SNX29: variants seen among roughly 807,000 people sequenced by gnomAD.
SNX29 encodes the protein sorting nexin 29, also known as sorting nexin-29.
A neutral mutation model predicts 102.1 loss-of-function variants in SNX29; 78 were observed. That is an observed-to-expected ratio of 0.76 (90% CI 0.64 to 0.92). The LOEUF (loss-of-function observed/expected upper bound fraction) is 0.92, where lower values mean the gene tolerates loss of function less well. Among genes scored for constraint, SNX29 ranks in the 40% least tolerant of loss-of-function variants. The probability of loss-of-function intolerance (pLI) is 0.00; values close to 1 mark genes in which losing one functional copy is unlikely to be tolerated. For synonymous variants in SNX29, 580 were observed against 414.5 expected (o/e 1.40, Z -4.85); for missense variants, 1,280 against 1,061.7 (o/e 1.21, Z -2.86).
At chr16:12,555,928 C>T (rs1284886401) in intron 20 of SNX29, among the ~76,000 whole-genome samples, 1 of 152,148 alleles carries the variant, frequency 6.6e-6, no homozygotes, top group Non-Finnish European at 1.5e-5. Flanking sequence ...CGTATGGTGT[C>T]AGGTCTGTTT....
At chr16:12,502,312 C>G (rs1479577487) in intron 19 of SNX29, among the ~76,000 whole-genome samples, 1 of 152,078 alleles carries the variant, frequency 6.6e-6, no homozygotes, top group Non-Finnish European at 1.5e-5. Context: ...CTCGCTGTGC[C>G]TCAGTGTCTT....
At position 12,568,900 on chromosome 16, in the gene SNX29, G is replaced by C. The variant is rs765117258; in HGVS notation, c.*271G>C. 6.1e-6 allele frequency: 3 copies of C among 491,596 alleles called. No individual in the cohort carries two copies. The highest frequency in any genetic ancestry group is 2.0e-5 in the African/African-American group (1 of 51,146). The allele number at this position is 491,596 out of a possible 1,614,324, so 30.5% of individuals were successfully genotyped here. A position where few individuals can be genotyped will look rare whatever the true frequency, so the allele number is the denominator to read the frequency against. On this transcript the variant is annotated 3_prime_UTR_variant, in exon 21 of 21. Coordinates refer to ENST00000566228, the MANE Select transcript of SNX29 (RefSeq NM_032167.5). ...CTGGGGTCTACCCTGGGCTGCAAGGGCTGTTCCTCCACCTTTCTGTAGTTC... is the reference window on the plus strand; with the variant it reads ...CTGGGGTCTACCCTGGGCTGCAAGGCCTGTTCCTCCACCTTTCTGTAGTTC...
chr16:12,378,335 T>G (rs1464423573), intron 16 of SNX29, among the ~76,000 whole-genome samples: 1 of 152,062 alleles, frequency 6.6e-6, no homozygotes, highest in African/African-American at 2.4e-5. Context: ...GCCAGGTTCT[T>G]TAAAACAACC....
chr16:12,133,429 A>G (rs1018997700), intron 13 of SNX29, among the ~76,000 whole-genome samples: 3 of 151,452 alleles, frequency 2.0e-5, no homozygotes, highest in Admixed American at 2.0e-4. Flanking sequence ...AGCTGGGACT[A>G]CAGGCATGCA....
intron 19 of SNX29, among the ~76,000 whole-genome samples, chr16:12,486,216 G>A (rs533506602): frequency 2.0e-5 from 3 of 152,166 alleles, no homozygotes; most frequent in Admixed American, 6.5e-5. Context: ...ATCTTCCCCC[G>A]ATCACAGCAG....
chr16:12,356,043 G>C, intron 15 of SNX29, 120 bp from the exon 16 acceptor site: 1 of 833,510 alleles, frequency 1.2e-6, no homozygotes, highest in South Asian at 1.6e-5. Context: ...ATTGACTCCA[G>C]CCCCAACAGC....
At chr16:12,386,553 C>G (rs1469410835) in intron 16 of SNX29, among the ~76,000 whole-genome samples, 1 of 152,100 alleles carries the variant, frequency 6.6e-6, no homozygotes, top group Non-Finnish European at 1.5e-5. Context: ...GAATACTGTC[C>G]CAGATAGCAA....
At chr16:12,072,466 A>G (rs1428432873) in intron 10 of SNX29, among the ~76,000 whole-genome samples, 1 of 152,206 alleles carries the variant, frequency 6.6e-6, no homozygotes, top group Non-Finnish European at 1.5e-5. Context: ...ATGCTGGATT[A>G]CATTTATTGA....
At chr16:12,567,204 C>T (rs933554851) in intron 20 of SNX29, among the ~76,000 whole-genome samples, 2 of 152,052 alleles carry the variant, frequency 1.3e-5, no homozygotes, top group East Asian at 3.9e-4. Flanking sequence ...CATCTTTGGT[C>T]CTTTCTAAAC....
chr16:12,163,040 C>T (rs1346430617), intron 13 of SNX29, among the ~76,000 whole-genome samples: 1 of 152,136 alleles, frequency 6.6e-6, no homozygotes, highest in Non-Finnish European at 1.5e-5. Flanking sequence ...TACCACCATG[C>T]CCAGCTAATT....
At chr16:12,277,846 G>C in intron 14 of SNX29, 87 bp from the exon 15 acceptor site, 3 of 1,181,840 alleles carry the variant, frequency 2.5e-6, no homozygotes, top group Non-Finnish European at 3.7e-6. Flanking sequence ...GAAGTCATCT[G>C]AGAAAGAAGA....
At chr16:12,565,037 G>A (rs578211497) in intron 20 of SNX29, among the ~76,000 whole-genome samples, 3 of 152,102 alleles carry the variant, frequency 2.0e-5, no homozygotes, top group South Asian at 2.1e-4. Context: ...GATGAGCCTG[G>A]CACTGGCTTC....
intron 4 of SNX29, among the ~76,000 whole-genome samples, chr16:12,035,708 C>G (rs114812803): frequency 0.014 from 2,139 of 152,074 alleles, 39 homozygotes; most frequent in African/African-American, 0.049. Flanking sequence ...CCCTCACATT[C>G]ATCCCTCTGT....
chr16:12,515,260 C>G (rs572557845), intron 19 of SNX29, among the ~76,000 whole-genome samples: 3 of 152,294 alleles, frequency 2.0e-5, no homozygotes, highest in Non-Finnish European at 4.4e-5. Flanking sequence ...CTTTGCATGT[C>G]TTTTCCAGCT....
At chr16:12,116,998 C>A (rs1041759427) in intron 11 of SNX29, among the ~76,000 whole-genome samples, 1 of 150,452 alleles carries the variant, frequency 6.6e-6, no homozygotes, top group South Asian at 2.1e-4. Flanking sequence ...TGGAAACAGG[C>A]GTGGTCAATA....
chr16:12,403,192 TTGTG>T (rs1321237155), intron 17 of SNX29, among the ~76,000 whole-genome samples: 1 of 129,720 alleles, frequency 7.7e-6, no homozygotes, highest in Middle Eastern at 4.1e-3. Flanking sequence ...GGAGTACAGA[TTGTG>T]TGTGTATGTG....
At chr16:12,170,293 G>GC (rs2076116197) in intron 13 of SNX29, among the ~76,000 whole-genome samples, 1 of 151,972 alleles carries the variant, frequency 6.6e-6, no homozygotes, top group Non-Finnish European at 1.5e-5. Context: ...GTGACAGGGA[G>GC]CGGGTTCCTT....
At chr16:12,109,139 A>AG (rs1404184890) in intron 11 of SNX29, among the ~76,000 whole-genome samples, 1 of 149,364 alleles carries the variant, frequency 6.7e-6, no homozygotes, top group East Asian at 2.0e-4. Flanking sequence ...AAAAAAAAAA[A>AG]AAAAAAAAAA....
intron 19 of SNX29, among the ~76,000 whole-genome samples, chr16:12,504,662 C>G (rs1019928874): frequency 6.6e-6 from 1 of 152,224 alleles, no homozygotes; most frequent in African/African-American, 2.4e-5. Context: ...ACCACACTCA[C>G]ATTACTTTTA....
Sources: gnomAD v4.1 joint callset for allele counts (sites outside exome capture counted in the v4.1 genomes callset) on GRCh38, gnomAD v4.1.1 for gene constraint, MANE v1.5 for transcripts, NCBI Gene and HGNC (gene_info 2026-07-23, HGNC 2026-07-21) for gene names.